Variants in PLCB2 observed in about 807,000 individuals in gnomAD.
PLCB2 encodes the protein phospholipase C beta 2.
Under a neutral mutation model 141.7 loss-of-function variants are expected in PLCB2, and 115 were observed. The ratio of observed to expected loss-of-function variants is 0.81; its 90% confidence interval spans 0.70 to 0.95. The LOEUF (loss-of-function observed/expected upper bound fraction) is 0.95, where lower values mean the gene tolerates loss of function less well. PLCB2 is among the 40% of genes least tolerant of loss of function. PLCB2 has a pLI of 0.00. For synonymous variants in PLCB2, 603 were observed against 595.6 expected (o/e 1.01, Z -0.18); for missense variants, 1,403 against 1,541.1 (o/e 0.91, Z 1.50).
At chr15:40,298,029 C>T in intron 11 of PLCB2, 70 bp from the exon 12 acceptor site, 1 of 1,275,344 alleles carries the variant, frequency 7.8e-7, no homozygotes, top group East Asian at 2.3e-5. Context: ...TAGCACTTTT[C>T]CCCCCTGCCT....
chr15:40,306,740 C>G (rs1123487), intron 1 of PLCB2, among the ~76,000 whole-genome samples: 1 of 152,078 alleles, frequency 6.6e-6, no homozygotes, highest in Non-Finnish European at 1.5e-5. Flanking sequence ...TTCCCTCCCC[C>G]ACCAAGCCTT....
chr15:40,300,831 GTCTT>G (rs2040467537), intron 7 of PLCB2: 2 of 152,196 alleles, frequency 1.3e-5, no homozygotes, highest in African/African-American at 4.8e-5. Flanking sequence ...GCCAACATCA[GTCTT>G]AGTTTGGAGC....
chr15:40,301,164 A>G, intron 7 of PLCB2: 1 of 191,784 alleles, frequency 5.2e-6, no homozygotes, highest in Non-Finnish European at 1.1e-5. Context: ...CTGTGGGGTA[A>G]ATGCTCCTCC....
In PLCB2 at chr15:40,297,498, G is replaced by A; in HGVS notation, c.1323+23C>T. The A allele has an allele frequency of 6.3e-7, 1 of 1,583,854 alleles. No homozygotes were observed. The highest frequency in any genetic ancestry group is 1.1e-5 in the South Asian group (1 of 90,474). On this transcript the variant is annotated intron_variant, in intron 13 of 31. Coordinates refer to ENST00000260402, the MANE Select transcript of PLCB2 (RefSeq NM_004573.3). The surrounding 1 kb of genome is among the most constrained non-coding windows in gnomAD (Gnocchi z 4.2). ...AGGTTCCCAGGCCCAAGGCTCAAATGTCCCACAGCGAAGCCCACTCACTGG... is the reference window on the plus strand; with the variant it reads ...AGGTTCCCAGGCCCAAGGCTCAAATATCCCACAGCGAAGCCCACTCACTGG...
At chr15:40,290,176 TC>T in intron 29 of PLCB2, 94 bp from the exon 30 acceptor site, 1 of 842,314 alleles carries the variant, frequency 1.2e-6, no homozygotes, top group Non-Finnish European at 2.1e-6. Context: ...AAATGAGAAA[TC>T]CAACATAGGG....
intron 16 of PLCB2, 74 bp downstream of exon 16, chr15:40,296,222 C>T: frequency 8.6e-7 from 1 of 1,160,634 alleles, no homozygotes; most frequent in South Asian, 1.3e-5. Flanking sequence ...TATTTATAGG[C>T]AGGGCCCCAA....
chr15:40,290,539 G>C, intron 29 of PLCB2, 38 bp downstream of exon 29: 1 of 1,442,420 alleles, frequency 6.9e-7, no homozygotes, highest in African/African-American at 1.4e-5. Flanking sequence ...ACCTGAAGTG[G>C]GGTCTGCCCA....
At position 40,293,673 on chromosome 15, in the gene PLCB2, C is replaced by T. The variant is rs773843302; in HGVS notation, c.2113G>A (p.Val705Met). The change falls in exon 20 of 32, where the codon GTG becomes ATG. Residue 705 changes from valine to methionine, a missense_variant. Transcript: ENST00000260402. Reference sequence around the variant, plus strand: ...TCCCCAGGAAGGCCAAACAGCTCCACTTCTACATAGGTGCGCACGCTGCGT... The same window carrying T: ...TCCCCAGGAAGGCCAAACAGCTCCATTTCTACATAGGTGCGCACGCTGCGT... Reference protein sequence around the residue: ...SERSVRTYVEVELFGLPGDPK... With the variant: ...SERSVRTYVEMELFGLPGDPK... 1 of 1,614,028 alleles carries T rather than the reference C, an allele frequency of 6.2e-7. No homozygotes were observed. The highest frequency in any genetic ancestry group is 8.5e-7 in the Non-Finnish European group (1 of 1,180,010).
rs1348176283 is a variant in PLCB2, at chr15:40,290,900, CGGGGGTCGGTGGAGGGGAGTCGGTGA to C, written c.3037-89_3037-64del. The C allele has an allele frequency of 2.7e-3, 2,040 of 758,196 alleles. 3 individuals are homozygous for C. Among genetic ancestry groups the C allele is most frequent in the Non-Finnish European group, 3.9e-3 (1,944 of 501,522 alleles). The allele number at this position is 758,196 out of a possible 1,614,324, so 47.0% of individuals were successfully genotyped here. A position where few individuals can be genotyped will look rare whatever the true frequency, so the allele number is the denominator to read the frequency against. ...TGTTGTTCAGAGGGAGTACGGGGGG[CGGGGGTCGGTGGAGGGGAGTCGGTGA>C]GGGGGTTGGGTCGGTGAGAGGGGCG... is the stretch of plus-strand genomic sequence containing the variant. On this transcript the variant is annotated intron_variant, in intron 27 of 31. Coordinates refer to ENST00000260402, the MANE Select transcript of PLCB2 (RefSeq NM_004573.3).
chr15:40,292,005 C>T (rs2039963316), intron 23 of PLCB2, 59 bp downstream of exon 23: 1 of 1,606,026 alleles, frequency 6.2e-7, no homozygotes, highest in Non-Finnish European at 8.5e-7. Flanking sequence ...TCCCCAGCCT[C>T]TCCCATAAAT....
downstream of PLCB2, chr15:40,287,858 C>G: frequency 2.2e-6 from 2 of 908,118 alleles, no homozygotes; most frequent in Non-Finnish European, 2.6e-6. Flanking sequence ...CACTCCACTA[C>G]CCTGCCCCCA....
chr15:40,303,246 AGTAGCT>A lies in PLCB2; in HGVS notation c.231+36_231+41del, dbSNP rs762679575. On this transcript the variant is annotated intron_variant, in intron 3 of 31. Coordinates refer to ENST00000260402, the MANE Select transcript of PLCB2 (RefSeq NM_004573.3). ...ACCCCTGCCCTTGCCCCATGGAGCTAGTAGCTGTGCTTGAGCCTGGGCTGCTACTGG... is the reference window on the plus strand; with the variant it reads ...ACCCCTGCCCTTGCCCCATGGAGCTAGTGCTTGAGCCTGGGCTGCTACTGG... 68 of 1,430,512 alleles carry A rather than the reference AGTAGCT, an allele frequency of 4.8e-5. No homozygotes were observed. In the East Asian group the frequency reaches 1.5e-3, roughly 32 times the overall value. 88.6% of individuals were successfully genotyped at this position (1,430,512 alleles called of 1,614,324 possible).
intron 7 of PLCB2, 69 bp downstream of exon 7, chr15:40,301,888 T>C: frequency 7.1e-7 from 1 of 1,417,060 alleles, no homozygotes; most frequent in South Asian, 1.2e-5. Flanking sequence ...CACCCACCAT[T>C]CCTGGCCAAG....
chr15:40,303,972 A>G (rs2040660949), intron 2 of PLCB2, 29 bp downstream of exon 2: 3 of 1,473,090 alleles, frequency 2.0e-6, no homozygotes, highest in South Asian at 2.4e-5. Flanking sequence ...GCAGGAGTCC[A>G]GGGCCATGGC....
In PLCB2 at chr15:40,292,059, C is replaced by T. The variant is rs1385038820; in HGVS notation, c.2526+5G>A. ...GCCCCTGGCAGCAGTGCAGGCAACA[C>T]AGACCTCAGGCAGACCTCCCATGGC... On this transcript the variant is annotated splice_donor_5th_base_variant and intron_variant, in intron 23 of 31. Coordinates refer to ENST00000260402, the MANE Select transcript of PLCB2 (RefSeq NM_004573.3). 6.2e-7 allele frequency: 1 copy of T among 1,613,480 alleles called. No homozygotes were observed. The highest frequency in any genetic ancestry group is 8.5e-7 in the Non-Finnish European group (1 of 1,179,506).
intron 16 of PLCB2, among the ~76,000 whole-genome samples, chr15:40,295,678 C>A (rs1001777186): frequency 6.6e-6 from 1 of 152,116 alleles, no homozygotes; most frequent in Admixed American, 6.5e-5. Flanking sequence ...TGGCTGAACA[C>A]GTCTGGGGAG....
At chr15:40,287,595 A>G (rs1481870556), downstream of PLCB2, among the ~76,000 whole-genome samples, 1 of 152,146 alleles carries the variant, frequency 6.6e-6, no homozygotes, top group Non-Finnish European at 1.5e-5. Context: ...TCCCCCTAAA[A>G]TAGGGGACAT....
chr15:40,291,385 G>A lies in PLCB2; in HGVS notation c.2750C>T (p.Ala917Val), dbSNP rs2039910987. 1.3e-6 allele frequency: 2 copies of A among 1,533,036 alleles called. No individual in the cohort carries two copies. The highest frequency in any genetic ancestry group is 1.8e-4 in the Middle Eastern group (1 of 5,642). The allele number at this position is 1,533,036 out of a possible 1,614,324, so 95.0% of individuals were successfully genotyped here. A position where few individuals can be genotyped will look rare whatever the true frequency, so the allele number is the denominator to read the frequency against. Reference sequence around the variant, plus strand: ...CTGCAGCAGCTCCTCCCAGCGCCGCGCTCCGCGCCGCTCCAACTCTCGCAG... The same window carrying A: ...CTGCAGCAGCTCCTCCCAGCGCCGCACTCCGCGCCGCTCCAACTCTCGCAG... ...KELRELERRG[A>V]RRWEELLQRG... The change falls in exon 26 of 32, where the codon GCG becomes GTG. Residue 917 changes from alanine (A) to valine (V), a missense_variant. Ala to Val is a moderately conservative substitution (Grantham distance 64). This residue lies in a region of PLCB2 where 290 missense variants were observed against 245.9 expected (regional missense o/e 1.18). Coordinates refer to ENST00000260402, the MANE Select transcript of PLCB2 (RefSeq NM_004573.3).
In PLCB2 at chr15:40,295,052, T is replaced by C. The variant is rs777451541; in HGVS notation, c.1790A>G (p.Lys597Arg). The change falls in exon 18 of 32, where the codon AAG (lysine) becomes AGG (arginine). Residue 597 changes from lysine to arginine, a missense_variant. Coordinates refer to ENST00000260402, the MANE Select transcript of PLCB2 (RefSeq NM_004573.3). ...GGGGTAAATGCGGCTCATCTGGCGC[T>C]TGTTGTAGCTGTCCCTGAGTTTAGG... ...KASVQFVDYN[K>R]RQMSRIYPKG... 15 of 1,612,564 alleles carry C rather than the reference T, an allele frequency of 9.3e-6. No homozygotes were observed. The African/African-American group carries it at 2.0e-4, about 22-fold the overall frequency.
Sources: gnomAD v4.1 joint callset for allele counts (sites outside exome capture counted in the v4.1 genomes callset) on GRCh38, gnomAD v4.1.1 for gene constraint, gnomAD v4.1.1 regional missense constraint, Gnocchi (gnomAD v3.1) non-coding constraint, MANE v1.5 for transcripts, NCBI Gene and HGNC (gene_info 2026-07-23, HGNC 2026-07-21) for gene names.